Variants in PDE7B observed in about 807,000 individuals in gnomAD.
PDE7B encodes the protein phosphodiesterase 7B.
Under a neutral mutation model 56.2 loss-of-function variants are expected in PDE7B, and 29 were observed. The observed-to-expected ratio is 0.52, with a 90% CI of 0.38 to 0.70. The LOEUF is 0.70. Among genes scored for constraint, PDE7B ranks in the 30% least tolerant of loss-of-function variants. The pLI is 0.00. For missense variants in PDE7B, 490 were observed against 565.0 expected (o/e 0.87, Z 1.35); for synonymous variants, 197 against 196.9 (o/e 1.00, Z 0.00).
chr6:135,939,140 G>A (rs757583588), intron 1 of PDE7B, among the ~76,000 whole-genome samples: 35 of 152,158 alleles, frequency 2.3e-4, no homozygotes, highest in Non-Finnish European at 4.3e-4. Flanking sequence ...TATCTTTCAA[G>A]TCACTCCTAA....
chr6:136,179,503 G>C (rs1354214968), intron 10 of PDE7B, among the ~76,000 whole-genome samples: 5 of 152,172 alleles, frequency 3.3e-5, no homozygotes, highest in Non-Finnish European at 5.9e-5. Flanking sequence ...TCCCAACTAA[G>C]CAAAATCTGG....
intron 8 of PDE7B, among the ~76,000 whole-genome samples, chr6:136,169,307 C>A (rs572011175): frequency 6.6e-6 from 1 of 152,252 alleles, no homozygotes; most frequent in South Asian, 2.1e-4. Flanking sequence ...TGCTTTCATG[C>A]ATAATGACTC....
At chr6:136,115,465 A>G (rs1440381766) in intron 3 of PDE7B, among the ~76,000 whole-genome samples, 1 of 152,210 alleles carries the variant, frequency 6.6e-6, no homozygotes, top group East Asian at 1.9e-4. Flanking sequence ...ACTAGATAAA[A>G]GTGTTATTGA....
chr6:135,925,671 A>G (rs1774171316), intron 1 of PDE7B, among the ~76,000 whole-genome samples: 1 of 152,194 alleles, frequency 6.6e-6, no homozygotes, highest in Non-Finnish European at 1.5e-5. Flanking sequence ...AAGACAACAA[A>G]AAAGCAAAAG....
At chr6:136,001,450 G>T (rs1775666787) in intron 2 of PDE7B, among the ~76,000 whole-genome samples, 1 of 152,020 alleles carries the variant, frequency 6.6e-6, no homozygotes, top group African/African-American at 2.4e-5. Context: ...TGAAAACTTT[G>T]AAAAAAATTT....
chr6:136,147,848 T>A (rs1165158077), intron 4 of PDE7B, among the ~76,000 whole-genome samples: 1 of 152,262 alleles, frequency 6.6e-6, no homozygotes, highest in African/African-American at 2.4e-5. Flanking sequence ...CTAATTTTTT[T>A]AATTTATTAA....
chr6:136,136,674 C>A (rs900868788), intron 3 of PDE7B, among the ~76,000 whole-genome samples: 1 of 151,314 alleles, frequency 6.6e-6, no homozygotes, highest in Non-Finnish European at 1.5e-5. Context: ...ACCTCATGTA[C>A]CCCATAAATA....
chr6:135,962,317 C>A (rs1458550812), intron 2 of PDE7B, among the ~76,000 whole-genome samples: 1 of 152,064 alleles, frequency 6.6e-6, no homozygotes, highest in African/African-American at 2.4e-5. Context: ...GCAGTGTTTT[C>A]AATTGGCCTT....
At chr6:136,027,885 G>C (rs1776180818) in intron 2 of PDE7B, among the ~76,000 whole-genome samples, 1 of 152,274 alleles carries the variant, frequency 6.6e-6, no homozygotes, top group Admixed American at 6.5e-5. Context: ...GCCTCCCAAA[G>C]TGCTGGGATT....
At position 136,097,630 on chromosome 6, in the gene PDE7B, A is replaced by G. The variant is rs141359478; in HGVS notation, c.83-11101A>G. 4.2e-3 allele frequency among the ~76,000 whole-genome samples: 635 copies of G among 152,276 alleles called. 10 individuals are homozygous for G. The highest frequency in any genetic ancestry group is 0.017 in the Middle Eastern group (5 of 294). ...AATCTGAACACATTATCCTTCTATT[A>G]AAATCATTTCATGACTTTCTAATTC... On this transcript the variant is annotated intron_variant, in intron 2 of 12. Coordinates refer to ENST00000308191, the MANE Select transcript of PDE7B (RefSeq NM_018945.4).
chr6:136,037,934 T>A (rs1171407992), intron 2 of PDE7B: 5 of 1,189,042 alleles, frequency 4.2e-6, no homozygotes, highest in Non-Finnish European at 4.3e-6. Context: ...TGGGATTAAT[T>A]AAGTGCTGTG....
intron 1 of PDE7B, among the ~76,000 whole-genome samples, chr6:135,885,220 T>A (rs1562424565): frequency 6.6e-6 from 1 of 152,200 alleles, no homozygotes; most frequent in Non-Finnish European, 1.5e-5. Context: ...TGATGTTTCA[T>A]AAAGCCTGTT....
At position 136,027,663 on chromosome 6, in the gene PDE7B, C is replaced by G. The variant is rs551272893; in HGVS notation, c.82+80139C>G. Among the ~76,000 whole-genome samples the G allele has an allele frequency of 4.3e-4, 65 of 152,028 alleles. No individual in the cohort carries two copies. The Middle Eastern group carries it at 0.014, about 32-fold the overall frequency. On this transcript the variant is annotated intron_variant, in intron 2 of 12. Coordinates refer to ENST00000308191, the MANE Select transcript of PDE7B (RefSeq NM_018945.4). The stretch of plus-strand genomic sequence containing the variant: ...TTGAGACAGAGTCTTGCTCTGTCGC[C>G]CAGGCTGGAGTACAGTGGTGCTATC...
intron 1 of PDE7B, among the ~76,000 whole-genome samples, chr6:135,910,374 A>G (rs950095689): frequency 5.3e-5 from 8 of 152,232 alleles, no homozygotes; most frequent in African/African-American, 1.9e-4. Context: ...AGGTTATACA[A>G]GTAACTACTC....
chr6:136,150,871 A>G (rs2127765), intron 5 of PDE7B, among the ~76,000 whole-genome samples: 13 of 72,806 alleles, frequency 1.8e-4, no homozygotes, highest in South Asian at 8.7e-4. Flanking sequence ...GTGTGTGTGT[A>G]TGTGTATGTA....
At chr6:136,023,031 C>G (rs1164459759) in intron 2 of PDE7B, among the ~76,000 whole-genome samples, 1 of 152,130 alleles carries the variant, frequency 6.6e-6, no homozygotes, top group Non-Finnish European at 1.5e-5. Flanking sequence ...CATTTTACCC[C>G]TCTGCCAAGG....
chr6:136,190,452 A>G (rs1055636463), intron 12 of PDE7B, among the ~76,000 whole-genome samples: 1 of 152,200 alleles, frequency 6.6e-6, no homozygotes, highest in African/African-American at 2.4e-5. Flanking sequence ...TCCAACAGAA[A>G]GATAATCAAA....
intron 6 of PDE7B, among the ~76,000 whole-genome samples, chr6:136,152,430 G>A (rs1044693658): frequency 1.3e-5 from 2 of 152,160 alleles, no homozygotes; most frequent in African/African-American, 4.8e-5. Flanking sequence ...TCTGCAAGTA[G>A]GATATTATTA....
chr6:135,981,955 G>C lies in PDE7B; in HGVS notation c.82+34431G>C, dbSNP rs369911249. Among the ~76,000 whole-genome samples, 3 of 152,172 alleles carry C rather than the reference G, an allele frequency of 2.0e-5. No individual in the cohort carries two copies. In the East Asian group the frequency reaches 5.8e-4, roughly 29 times the overall value. Reference sequence around the variant, plus strand: ...ACACCAGCATCACCATAAACAGTGCGATGCACTGTGCTACAATGGTTACAA... The same window carrying C: ...ACACCAGCATCACCATAAACAGTGCCATGCACTGTGCTACAATGGTTACAA... On this transcript the variant is annotated intron_variant, in intron 2 of 12. Transcript: ENST00000308191.
Sources: gnomAD v4.1 joint callset for allele counts (sites outside exome capture counted in the v4.1 genomes callset) on GRCh38, gnomAD v4.1.1 for gene constraint, MANE v1.5 for transcripts, NCBI Gene and HGNC (gene_info 2026-07-23, HGNC 2026-07-21) for gene names.